Variants in RRAS2 observed in about 807,000 individuals in gnomAD.
RRAS2 encodes the protein RAS related 2, also known as ras-related protein R-Ras2.
RRAS2 carries 7 observed loss-of-function variants against 27.6 expected under a neutral mutation model. The observed-to-expected ratio is 0.25, with a 90% CI of 0.14 to 0.48. RRAS2 has a LOEUF of 0.48. Among genes scored for constraint, RRAS2 ranks in the 20% least tolerant of loss-of-function variants. The pLI is 0.99. For synonymous variants in RRAS2, 86 were observed against 90.9 expected (o/e 0.95, Z 0.31); for missense variants, 178 against 256.2 (o/e 0.69, Z 2.08).
chr11:14,323,889 A>T (rs1022207457), intron 1 of RRAS2, among the ~76,000 whole-genome samples: 54 of 152,048 alleles, frequency 3.6e-4, no homozygotes, highest in African/African-American at 1.1e-3. Context: ...AGACTTTTTT[A>T]AAATTATAAA....
chr11:14,298,161 T>C (rs1223846102), intron 1 of RRAS2, among the ~76,000 whole-genome samples: 1 of 152,236 alleles, frequency 6.6e-6, no homozygotes, highest in Non-Finnish European at 1.5e-5. Flanking sequence ...GCATGCGCTG[T>C]ACTTTTTAAG....
At chr11:14,302,044 TA>T (rs1847720237) in intron 1 of RRAS2, among the ~76,000 whole-genome samples, 1 of 146,494 alleles carries the variant, frequency 6.8e-6, no homozygotes, top group Admixed American at 6.9e-5. Context: ...TATTGGCCTA[TA>T]AAACAAGGAG....
At chr11:14,329,366 A>C (rs1848439214) in intron 1 of RRAS2, among the ~76,000 whole-genome samples, 1 of 152,138 alleles carries the variant, frequency 6.6e-6, no homozygotes, top group African/African-American at 2.4e-5. Flanking sequence ...CACCCGCCTC[A>C]GCTTCCCAAA....
chr11:14,351,919 A>T (rs1298208013), intron 1 of RRAS2, among the ~76,000 whole-genome samples: 5 of 150,476 alleles, frequency 3.3e-5, no homozygotes, highest in Non-Finnish European at 4.4e-5. Flanking sequence ...AAAAGAAGAC[A>T]GCAAATGCCC....
chr11:14,322,730 A>C (rs1426166916), intron 1 of RRAS2, among the ~76,000 whole-genome samples: 1 of 152,360 alleles, frequency 6.6e-6, no homozygotes, highest in African/African-American at 2.4e-5. Context: ...AGGGAAGTAC[A>C]TAACAACCAT....
intron 1 of RRAS2, among the ~76,000 whole-genome samples, chr11:14,301,160 TAAAC>T (rs1554947327): frequency 6.6e-6 from 1 of 152,092 alleles, no homozygotes; most frequent in African/African-American, 2.4e-5. Flanking sequence ...ACGGAAACAA[TAAAC>T]AAGTGTAGGA....
intron 1 of RRAS2, among the ~76,000 whole-genome samples, chr11:14,357,995 A>AG (rs1478645952): frequency 2.6e-5 from 4 of 152,080 alleles, no homozygotes; most frequent in Admixed American, 2.0e-4. Context: ...GGCTGGGGGT[A>AG]GGGGAGAGGG....
chr11:14,317,782 G>A (rs16913816), intron 1 of RRAS2, among the ~76,000 whole-genome samples: 4,107 of 152,126 alleles, frequency 0.027, 75 homozygotes, highest in East Asian at 0.046. Context: ...TGTACAAAGG[G>A]GAGCTGAGCA....
At chr11:14,334,323 T>A (rs73410578) in intron 1 of RRAS2, among the ~76,000 whole-genome samples, 1 of 152,198 alleles carries the variant, frequency 6.6e-6, no homozygotes, top group Non-Finnish European at 1.5e-5. Flanking sequence ...GCTAACAATT[T>A]AAAATGTTTA....
At chr11:14,290,455 A>G (rs551390875) in intron 4 of RRAS2, among the ~76,000 whole-genome samples, 118 of 151,804 alleles carry the variant, frequency 7.8e-4, no homozygotes, top group South Asian at 4.8e-3. Context: ...TTCAGGGGGG[A>G]AAAAAAAGGT....
chr11:14,318,754 G>A (rs139802175), intron 1 of RRAS2, among the ~76,000 whole-genome samples: 4 of 152,180 alleles, frequency 2.6e-5, no homozygotes, highest in East Asian at 3.9e-4. Context: ...ACCCAAACAC[G>A]GACATTTTGT....
chr11:14,301,152 G>A (rs1024833160), intron 1 of RRAS2, among the ~76,000 whole-genome samples: 2 of 152,074 alleles, frequency 1.3e-5, no homozygotes, highest in Admixed American at 1.3e-4. Context: ...AGGAGAGAAC[G>A]GAAACAATAA....
chr11:14,288,007 G>T (rs1230046556), intron 4 of RRAS2, among the ~76,000 whole-genome samples: 2 of 152,294 alleles, frequency 1.3e-5, no homozygotes, highest in Non-Finnish European at 2.9e-5. Flanking sequence ...TTGGGACAGG[G>T]TCTCACTCTG....
At chr11:14,318,848 T>C (rs781812315) in intron 1 of RRAS2, among the ~76,000 whole-genome samples, 1 of 152,204 alleles carries the variant, frequency 6.6e-6, no homozygotes, top group African/African-American at 2.4e-5. Context: ...AACTTCAAAT[T>C]CCTTCAGGGA....
chr11:14,357,328 G>T (rs1299823642), intron 1 of RRAS2, among the ~76,000 whole-genome samples: 1 of 151,390 alleles, frequency 6.6e-6, no homozygotes, highest in Non-Finnish European at 1.5e-5. Context: ...CATCAGACTA[G>T]TCCCCAAAGG....
chr11:14,345,285 C>G (rs1848806862), intron 1 of RRAS2, among the ~76,000 whole-genome samples: 1 of 152,034 alleles, frequency 6.6e-6, no homozygotes, highest in Non-Finnish European at 1.5e-5. Flanking sequence ...CGCACCTGGC[C>G]TCCACTCAAA....
rs141387011 is a variant in RRAS2, at chr11:14,326,291, T to C, written c.109-30436A>G. Among the ~76,000 whole-genome samples, 339 of 152,370 alleles carry C rather than the reference T, an allele frequency of 2.2e-3. 1 individual carries two copies. Among genetic ancestry groups the C allele is most frequent in the African/African-American group, 7.7e-3 (320 of 41,598 alleles). ...AGTAACTAGACTGTTATATAGCTTT[T>C]AAAATGCTGCTGCTATTGTGTAATT... On this transcript the variant is annotated intron_variant, in intron 1 of 5. Transcript: ENST00000256196.
chr11:14,290,409 A>T (rs1554945655), intron 4 of RRAS2, among the ~76,000 whole-genome samples: 2 of 152,174 alleles, frequency 1.3e-5, no homozygotes, highest in Admixed American at 1.3e-4. Context: ...AGATCGTGCC[A>T]TTGCACTCCA....
intron 1 of RRAS2, among the ~76,000 whole-genome samples, chr11:14,341,639 TGAA>T (rs1345256697): frequency 2.6e-5 from 4 of 152,110 alleles, no homozygotes; most frequent in African/African-American, 7.2e-5. Flanking sequence ...GGAAAACCCC[TGAA>T]GAAAACACTT....
Sources: allele counts gnomAD v4.1 joint callset (sites outside exome capture counted in the v4.1 genomes callset), GRCh38; gene constraint gnomAD v4.1.1; transcripts MANE v1.5; gene names NCBI Gene and HGNC (gene_info 2026-07-23, HGNC 2026-07-21).